TBC1D4: variants seen among roughly 807,000 people sequenced by gnomAD.
The protein encoded by TBC1D4 is TBC (Tre-2, BUB2, CDC16) domain-containing protein.
In TBC1D4, 121 loss-of-function variants were observed where a neutral mutation model predicts 142.5. The ratio of observed to expected loss-of-function variants is 0.85; its 90% CI spans 0.73 to 0.99. The LOEUF is 0.99. TBC1D4 is among the 50% of genes least tolerant of loss of function. The pLI, the probability that TBC1D4 is intolerant of heterozygous loss-of-function variation, is 0.00. For synonymous variants in TBC1D4, 630 were observed against 628.2 expected (o/e 1.00, Z -0.04); for missense variants, 1,475 against 1,606.6 (o/e 0.92, Z 1.40).
rs9600462 is a variant in TBC1D4 at position 75,392,981 on chromosome 13, C to G, written c.499-30374G>C. 4.2e-3 allele frequency among the ~76,000 whole-genome samples: 632 copies of G among 152,102 alleles called. 8 individuals carry two copies. The highest frequency in any genetic ancestry group is 0.013 in the African/African-American group (547 of 41,486). On this transcript the variant is annotated intron_variant, in intron 1 of 20. Transcript: ENST00000377636. ...CAGTTATTCCTTTCATTTTGCTGAGCCCTTAATCCATCTCTATTTTGCTAG... is the reference window on the plus strand; with the variant it reads ...CAGTTATTCCTTTCATTTTGCTGAGGCCTTAATCCATCTCTATTTTGCTAG...
intron 1 of TBC1D4, among the ~76,000 whole-genome samples, chr13:75,394,047 T>C (rs967985146): frequency 6.6e-6 from 1 of 152,252 alleles, no homozygotes; most frequent in African/African-American, 2.4e-5. Context: ...AAAATGCCTA[T>C]GTTAATTGCT....
At chr13:75,413,382 G>A (rs1243212859) in intron 1 of TBC1D4, among the ~76,000 whole-genome samples, 1 of 152,090 alleles carries the variant, frequency 6.6e-6, no homozygotes, top group Non-Finnish European at 1.5e-5. Context: ...GGGTGGTCTC[G>A]ATCTCTTGAC....
At chr13:75,342,984 T>C (rs1880835394) in intron 5 of TBC1D4, among the ~76,000 whole-genome samples, 1 of 152,206 alleles carries the variant, frequency 6.6e-6, no homozygotes, top group South Asian at 2.1e-4. Flanking sequence ...TTCCATGTAT[T>C]CTTTGTATTT....
At chr13:75,314,498 G>A (rs1280520623) in intron 12 of TBC1D4, among the ~76,000 whole-genome samples, 1 of 152,046 alleles carries the variant, frequency 6.6e-6, no homozygotes, top group African/African-American at 2.4e-5. Context: ...CTTCTGGATT[G>A]GCTAAATTAA....
intron 1 of TBC1D4, among the ~76,000 whole-genome samples, chr13:75,410,791 C>T (rs1885609069): frequency 6.6e-6 from 1 of 150,686 alleles, no homozygotes. Flanking sequence ...AAAAAATTAG[C>T]CGGGCGTGGT....
At position 75,482,128 on chromosome 13, in the gene TBC1D4, G is replaced by C. The variant is rs994538336; in HGVS notation, c.-361C>G. The stretch of plus-strand genomic sequence containing the variant: ...CCCCGCGGCCGCCGGCTCCAGCGCT[G>C]CAGCCCCGCTGCGGCCGCCGCGCTC... On this transcript the variant is annotated 5_prime_UTR_variant, in exon 1 of 21. Transcript: ENST00000377636. 9.8e-6 allele frequency: 2 copies of C among 204,422 alleles called. No individual in the cohort carries two copies. The highest frequency in any genetic ancestry group is 1.2e-4 in the Admixed American group (2 of 16,550). 12.7% of individuals were successfully genotyped at this position (204,422 alleles called of 1,614,324 possible). A position where few individuals can be genotyped will look rare whatever the true frequency, so the allele number is the denominator to read the frequency against.
At chr13:75,457,508 G>A (rs12429941) in intron 1 of TBC1D4, among the ~76,000 whole-genome samples, 3,593 of 152,282 alleles carry the variant, frequency 0.024, 75 homozygotes, top group Admixed American at 0.047. Context: ...GAACCCCTGT[G>A]TTAAACTACT....
In TBC1D4 at chr13:75,286,397, C is replaced by A; in HGVS notation, c.*395G>T. Reference sequence around the variant, plus strand: ...GTATATTGCAATATACAAAGATGCTCTGGCTTTGTTTCACTATAAAGACAA... The same window carrying A: ...GTATATTGCAATATACAAAGATGCTATGGCTTTGTTTCACTATAAAGACAA... On this transcript the variant is annotated 3_prime_UTR_variant, in exon 21 of 21. Coordinates refer to ENST00000377636, the MANE Select transcript of TBC1D4 (RefSeq NM_014832.5). 1 of 173,502 alleles carries A rather than the reference C, an allele frequency of 5.8e-6. No homozygotes were observed. Among genetic ancestry groups the A allele is most frequent in the Non-Finnish European group, 1.2e-5 (1 of 80,118 alleles). The allele number at this position is 173,502 out of a possible 1,614,324, so 10.7% of individuals were successfully genotyped here.
intron 8 of TBC1D4, among the ~76,000 whole-genome samples, chr13:75,330,142 C>T (rs1424323579): frequency 6.6e-6 from 1 of 152,132 alleles, no homozygotes; most frequent in Non-Finnish European, 1.5e-5. Context: ...TAACTTTTTA[C>T]CTTGTTCTCC....
chr13:75,312,673 G>A (rs548771658), intron 13 of TBC1D4, 65 bp downstream of exon 13: 1,974 of 1,592,074 alleles, frequency 1.2e-3, no homozygotes, highest in Non-Finnish European at 1.6e-3. Context: ...TACACAGCAC[G>A]TGCATTCCAT....
intron 1 of TBC1D4, among the ~76,000 whole-genome samples, chr13:75,480,471 A>G (rs758056925): frequency 1.3e-5 from 2 of 152,194 alleles, no homozygotes; most frequent in Non-Finnish European, 2.9e-5. Context: ...TAAGGACCAT[A>G]TCTGTTTTTA....
Position 75,286,412 on chromosome 13 carries a change from T to C in TBC1D4, c.*380A>G, listed in dbSNP as rs1362424795. 2 of 178,768 alleles carry C rather than the reference T, an allele frequency of 1.1e-5. No individual in the cohort carries two copies. The highest frequency in any genetic ancestry group is 2.4e-5 in the Non-Finnish European group (2 of 83,396). 11.1% of individuals were successfully genotyped at this position (178,768 alleles called of 1,614,324 possible). ...CAAAGATGCTCTGGCTTTGTTTCACTATAAAGACAAAAAGATTTCACATAT... is the reference window on the plus strand; with the variant it reads ...CAAAGATGCTCTGGCTTTGTTTCACCATAAAGACAAAAAGATTTCACATAT... On this transcript the variant is annotated 3_prime_UTR_variant, in exon 21 of 21. Coordinates refer to ENST00000377636, the MANE Select transcript of TBC1D4 (RefSeq NM_014832.5).
chr13:75,367,089 C>A (rs1208048003), intron 1 of TBC1D4: 14 of 523,254 alleles, frequency 2.7e-5, no homozygotes, highest in Non-Finnish European at 3.4e-5. Context: ...ATAAAACTTC[C>A]CAGGAGTAAC....
intron 8 of TBC1D4, among the ~76,000 whole-genome samples, chr13:75,335,791 C>T (rs1336699260): frequency 2.6e-5 from 4 of 152,178 alleles, no homozygotes; most frequent in Non-Finnish European, 5.9e-5. Flanking sequence ...TGAGGTCTCT[C>T]CAGAAGCAGA....
At chr13:75,344,217 T>A (rs1395829635) in intron 5 of TBC1D4, among the ~76,000 whole-genome samples, 1 of 152,252 alleles carries the variant, frequency 6.6e-6, no homozygotes, top group Non-Finnish European at 1.5e-5. Flanking sequence ...ATGATAATGA[T>A]TCACATGATT....
At position 75,383,377 on chromosome 13, in the gene TBC1D4, A is replaced by G. The variant is rs570083386; in HGVS notation, c.499-20770T>C. Among the ~76,000 whole-genome samples the G allele has an allele frequency of 8.9e-4, 136 of 152,300 alleles. 3 individuals carry two copies. In the South Asian group the frequency reaches 0.028, roughly 31 times the overall value. ...CTGAATTCTGAATTCTTTAAACAGA[A>G]TTGATCTTACCCTCACCTCAACCGT... On this transcript the variant is annotated intron_variant, in intron 1 of 20. Transcript: ENST00000377636.
chr13:75,308,055 C>G (rs1257252399), intron 14 of TBC1D4, among the ~76,000 whole-genome samples: 4 of 152,036 alleles, frequency 2.6e-5, no homozygotes, highest in Non-Finnish European at 5.9e-5. Context: ...AGCCGCACAC[C>G]CTGAGGATAA....
chr13:75,305,784 A>C (rs1019363635), intron 15 of TBC1D4, among the ~76,000 whole-genome samples: 4 of 152,206 alleles, frequency 2.6e-5, no homozygotes, highest in Non-Finnish European at 5.9e-5. Flanking sequence ...AAATTCTTAA[A>C]TATCAGGCAT....
At chr13:75,320,867 C>CAAAAAAAAAAAAAAAAAAA (rs148657060) in intron 11 of TBC1D4, among the ~76,000 whole-genome samples, 1 of 84,378 alleles carries the variant, frequency 1.2e-5, no homozygotes, top group Non-Finnish European at 2.3e-5. Flanking sequence ...ACTAAAAATA[C>CAAAAAAAAAAAAAAAAAAA]AAAAAAAAAA....
Sources: allele counts gnomAD v4.1 joint callset (sites outside exome capture counted in the v4.1 genomes callset), GRCh38; gene constraint gnomAD v4.1.1; transcripts MANE v1.5; gene names NCBI Gene and HGNC (gene_info 2026-07-23, HGNC 2026-07-21).